UGT1A3: variants seen among roughly 807,000 people sequenced by gnomAD.
UGT1A3 encodes the protein UDP-glucuronosyltransferase 1A3.
In UGT1A3, 31 loss-of-function variants were observed where a neutral mutation model predicts 41.0. The ratio of observed to expected loss-of-function variants is 0.76; its 90% CI spans 0.57 to 1.02. The LOEUF is 1.02. Among genes scored for constraint, UGT1A3 ranks in the 50% least tolerant of loss-of-function variants. The pLI, the probability that UGT1A3 is intolerant of heterozygous loss-of-function variation, is 0.00. For synonymous variants in UGT1A3, 262 were observed against 257.6 expected, an observed-to-expected ratio of 1.02 and a Z score of -0.17; for missense variants, 737 against 671.0, an observed-to-expected ratio of 1.10 and a Z score of -1.09.
chr2:233,772,426 A>C lies in UGT1A3; in HGVS notation c.1472A>C (p.Asp491Ala), dbSNP rs1300515739. The C allele has an allele frequency of 1.2e-5, 20 of 1,614,062 alleles. No individual in the cohort carries two copies. Among genetic ancestry groups the C allele is most frequent in the Non-Finnish European group, 1.7e-5 (20 of 1,180,044 alleles). Reference sequence around the variant, plus strand: ...ACCTGGTACCAGTACCATTCCTTGGACGTGATTGGTTTCCTCTTGGCCGTC... The same window carrying C: ...ACCTGGTACCAGTACCATTCCTTGGCCGTGATTGGTTTCCTCTTGGCCGTC... Reference protein sequence around the residue: ...DLTWYQYHSLDVIGFLLAVVL... With the variant: ...DLTWYQYHSLAVIGFLLAVVL... Residue 491 changes from aspartate (D) to alanine (A), a missense_variant, in exon 5 of 5, where the codon GAC becomes GCC. Coordinates refer to ENST00000482026, the MANE Select transcript of UGT1A3 (RefSeq NM_019093.4).
chr2:233,736,156 G>A (rs1226019844), intron 1 of UGT1A3, among the ~76,000 whole-genome samples: 4 of 152,192 alleles, frequency 2.6e-5, no homozygotes, highest in East Asian at 1.9e-4. Context: ...CCAGTCAAAC[G>A]TAGATTTGGT....
chr2:233,742,647 G>A (rs1292075508), intron 1 of UGT1A3: 1 of 152,020 alleles, frequency 6.6e-6, no homozygotes, highest in African/African-American at 2.4e-5. Context: ...GTATACCACC[G>A]ACCAACCATG....
At chr2:233,747,483 C>G (rs993277218) in intron 1 of UGT1A3, 3 of 1,608,496 alleles carry the variant, frequency 1.9e-6, no homozygotes, top group Non-Finnish European at 1.7e-6. Flanking sequence ...TGAATTTGAT[C>G]GCCTTGTGCT....
At chr2:233,730,261 T>C (rs1457802984) in intron 1 of UGT1A3, among the ~76,000 whole-genome samples, 1 of 152,074 alleles carries the variant, frequency 6.6e-6, no homozygotes, top group East Asian at 1.9e-4. Context: ...ATAGAGACTG[T>C]TGGTTTGTAA....
intron 1 of UGT1A3, among the ~76,000 whole-genome samples, chr2:233,757,565 T>C (rs1696654647): frequency 7.0e-6 from 1 of 141,992 alleles, no homozygotes; most frequent in African/African-American, 2.7e-5. Flanking sequence ...TATATATGTA[T>C]ATATGATATA....
intron 1 of UGT1A3, among the ~76,000 whole-genome samples, chr2:233,739,668 T>C (rs1477304196): frequency 6.6e-6 from 1 of 152,244 alleles, no homozygotes; most frequent in Non-Finnish European, 1.5e-5. Context: ...CATTGTGTCT[T>C]GGAAGTTACT....
At chr2:233,767,271 T>G in intron 2 of UGT1A3, 106 bp downstream of exon 2, 1 of 1,583,574 alleles carries the variant, frequency 6.3e-7, no homozygotes, top group East Asian at 2.2e-5. Context: ...TAGATTTGGC[T>G]TTTCCCTGCC....
At chr2:233,751,176 G>A (rs1694660149) in intron 1 of UGT1A3, among the ~76,000 whole-genome samples, 1 of 151,990 alleles carries the variant, frequency 6.6e-6, no homozygotes, top group Non-Finnish European at 1.5e-5. Flanking sequence ...CTAGATATGA[G>A]ACATGAAGTT....
intron 1 of UGT1A3, chr2:233,743,668 G>C (rs898129248): frequency 5.1e-6 from 7 of 1,367,120 alleles, no homozygotes; most frequent in Non-Finnish European, 6.9e-6. Flanking sequence ...AGGGGTCCTC[G>C]AAGGGCCTGC....
chr2:233,749,530 G>T (rs1211787123), intron 1 of UGT1A3, among the ~76,000 whole-genome samples: 2 of 151,832 alleles, frequency 1.3e-5, no homozygotes, highest in Non-Finnish European at 2.9e-5. Flanking sequence ...GCTAATTTTC[G>T]AGTGTGGTAA....
chr2:233,761,268 C>T lies in UGT1A3; in HGVS notation c.868-5766C>T, dbSNP rs991345874. 11 of 1,592,332 alleles carry T rather than the reference C, an allele frequency of 6.9e-6. No homozygotes were observed. In the African/African-American group the frequency reaches 1.5e-4, roughly 21 times the overall value. On this transcript the variant is annotated intron_variant, in intron 1 of 4. Coordinates refer to ENST00000482026, the MANE Select transcript of UGT1A3 (RefSeq NM_019093.4). ...GCATTCTGAGATAATTTAAAATGCC[C>T]TCTTTTGTTAATTTTTGACTCCTAG...
intron 1 of UGT1A3, among the ~76,000 whole-genome samples, chr2:233,730,506 A>G (rs2078042097): frequency 6.6e-6 from 1 of 152,128 alleles, no homozygotes; most frequent in Non-Finnish European, 1.5e-5. Flanking sequence ...AGAGAGGTTG[A>G]CTCAGTGGAA....
rs774677126 is a variant in UGT1A3 at position 233,772,538 on chromosome 2, C to A, written c.1584C>A (p.Ala528=). The change falls in exon 5 of 5, where the codon GCC becomes GCA. Residue 528 remains alanine, a synonymous_variant. Coordinates refer to ENST00000482026, the MANE Select transcript of UGT1A3 (RefSeq NM_019093.4). ...CLGKKGRVKK[A]HKSKTH ...GGAAAAAAGGGCGAGTTAAGAAAGC[C>A]CACAAATCCAAGACCCATTGAGAAG... The A allele has an allele frequency of 3.7e-6, 6 of 1,613,922 alleles. No homozygotes were observed. The Admixed American group carries it at 8.3e-5, about 22-fold the overall frequency.
chr2:233,743,793 C>G (rs768890081), intron 1 of UGT1A3: 1 of 1,367,374 alleles, frequency 7.3e-7, no homozygotes. Flanking sequence ...CTCCTCTCCG[C>G]TTCCTCCTTG....
intron 1 of UGT1A3, among the ~76,000 whole-genome samples, chr2:233,764,578 C>T (rs146266932): frequency 2.0e-4 from 31 of 152,244 alleles, no homozygotes; most frequent in African/African-American, 6.5e-4. Flanking sequence ...AACTTAGACT[C>T]GGCCTTTTCC....
intron 1 of UGT1A3, chr2:233,742,967 A>G (rs764495397): frequency 2.3e-5 from 5 of 219,774 alleles, no homozygotes; most frequent in African/African-American, 4.7e-5. Context: ...TGTCTGCCTC[A>G]GGCTTAAGTT....
chr2:233,736,234 T>G (rs1035352456), intron 1 of UGT1A3, among the ~76,000 whole-genome samples: 1 of 152,188 alleles, frequency 6.6e-6, no homozygotes, highest in Admixed American at 6.5e-5. Context: ...TCTCTAACCT[T>G]GTCTTCTCAC....
intron 1 of UGT1A3, among the ~76,000 whole-genome samples, chr2:233,739,930 G>GGGGA (rs1270425861): frequency 6.6e-6 from 1 of 151,694 alleles, no homozygotes; most frequent in Non-Finnish European, 1.5e-5. Context: ...ATCCCCATGT[G>GGGGA]TTAAGGTTGG....
chr2:233,747,343 T>A (rs1575682738), intron 1 of UGT1A3: 1 of 1,603,348 alleles, frequency 6.2e-7, no homozygotes, highest in East Asian at 2.2e-5. Flanking sequence ...CTGGCTCGCA[T>A]GCGGGAGGCC....
Sources: gnomAD v4.1 joint callset for allele counts (sites outside exome capture counted in the v4.1 genomes callset) on GRCh38, gnomAD v4.1.1 for gene constraint, MANE v1.5 for transcripts, NCBI Gene and HGNC (gene_info 2026-07-23, HGNC 2026-07-21) for gene names.